Variants in MDH1 observed in about 807,000 individuals in gnomAD.
MDH1 encodes the protein malate dehydrogenase 1.
MDH1 carries 15 observed loss-of-function variants against 38.7 expected under a neutral mutation model. The observed-to-expected ratio is 0.39, with a 90% CI of 0.26 to 0.60. The LOEUF is 0.60. Ranked by LOEUF, MDH1 falls within the 20% of genes least tolerant of loss-of-function variation. The pLI is 0.56. For missense variants in MDH1, 368 were observed against 405.2 expected, an observed-to-expected ratio of 0.91 and a Z score of 0.79; for synonymous variants, 144 against 143.6, an observed-to-expected ratio of 1.00 and a Z score of -0.02.
intron 2 of MDH1, chr2:63,594,977 G>A (rs1404338707): frequency 1.6e-5 from 4 of 248,276 alleles, no homozygotes; most frequent in Admixed American, 5.1e-5. Flanking sequence ...CAGGCACTCC[G>A]ACTTCCAGCA....
At chr2:63,604,957 G>T in intron 6 of MDH1, 85 bp downstream of exon 6, 2 of 1,371,632 alleles carry the variant, frequency 1.5e-6, no homozygotes, top group South Asian at 2.7e-5. Context: ...AAAGAGGGCA[G>T]GTCTTTCACA....
Position 63,599,165 on chromosome 2 carries a change from C to T in MDH1, c.376-5C>T. 6.2e-7 allele frequency: 1 copy of T among 1,613,166 alleles called. No homozygotes were observed. The highest frequency in any genetic ancestry group is 8.5e-7 in the Non-Finnish European group (1 of 1,179,420). ...TAACTCTTCAGTGCCTTCCATTCCT[C>T]CTAGGTTATTGTTGTGGGTAATCCA... On this transcript the variant is annotated splice_region_variant and splice_polypyrimidine_tract_variant and intron_variant, in intron 4 of 8. Transcript: ENST00000233114.
chr2:63,599,159 A>G lies in MDH1; in HGVS notation c.376-11A>G, dbSNP rs895465425. On this transcript the variant is annotated splice_polypyrimidine_tract_variant and intron_variant, in intron 4 of 8. Transcript: ENST00000233114. ...AGTCTGTAACTCTTCAGTGCCTTCC[A>G]TTCCTCCTAGGTTATTGTTGTGGGT... 3 of 1,612,412 alleles carry G rather than the reference A, an allele frequency of 1.9e-6. No homozygotes were observed. Among genetic ancestry groups the G allele is most frequent in the Non-Finnish European group, 1.7e-6 (2 of 1,179,220 alleles).
chr2:63,600,938 C>T (rs1709406360), intron 5 of MDH1, among the ~76,000 whole-genome samples: 1 of 152,216 alleles, frequency 6.6e-6, no homozygotes, highest in African/African-American at 2.4e-5. Context: ...CTAACAACCA[C>T]TTTTTGTTGT....
intron 6 of MDH1, 80 bp downstream of exon 6, chr2:63,604,952 G>C (rs1227291580): frequency 7.0e-7 from 1 of 1,424,546 alleles, no homozygotes; most frequent in Non-Finnish European, 9.6e-7. Flanking sequence ...ACCTTAAAGA[G>C]GGCAGGTCTT....
chr2:63,596,420 C>T (rs1331295550), intron 3 of MDH1, among the ~76,000 whole-genome samples: 1 of 152,222 alleles, frequency 6.6e-6, no homozygotes, highest in African/African-American at 2.4e-5. Flanking sequence ...CCTTTTCTCA[C>T]CCACAGCTCT....
chr2:63,603,275 G>A (rs1405070831), intron 5 of MDH1, among the ~76,000 whole-genome samples: 1 of 151,990 alleles, frequency 6.6e-6, no homozygotes, highest in African/African-American at 2.4e-5. Flanking sequence ...ATTCTTGAAC[G>A]ACATTTGAGT....
chr2:63,603,754 T>C (rs2106625749), intron 5 of MDH1, among the ~76,000 whole-genome samples: 1 of 150,582 alleles, frequency 6.6e-6, no homozygotes, highest in Admixed American at 6.7e-5. Context: ...GCCTCCCAGG[T>C]TCAAGCGATT....
At chr2:63,600,383 C>A (rs888018167) in intron 5 of MDH1, among the ~76,000 whole-genome samples, 4 of 152,174 alleles carry the variant, frequency 2.6e-5, no homozygotes, top group Non-Finnish European at 4.4e-5. Flanking sequence ...TCATACAGCT[C>A]ATAAATTACG....
chr2:63,602,934 CTTTTTTTTTTTTTTTTTTTTTTTTTTTT>C (rs370479356), intron 5 of MDH1, among the ~76,000 whole-genome samples: 2 of 131,536 alleles, frequency 1.5e-5, no homozygotes, highest in Non-Finnish European at 3.4e-5. Flanking sequence ...TTTAACCGTT[CTTTTTTTTTTTTTTTTTTTTTTTTTTTT>C]TTTTTTTTTT....
rs752283219 is a variant in MDH1 at position 63,604,681 on chromosome 2, T to C, written c.499-15T>C. On this transcript the variant is annotated splice_polypyrimidine_tract_variant and intron_variant, in intron 5 of 8. Transcript: ENST00000233114. ...CCATTTGTCTCAGTAATGTATTTGT[T>C]TTCAATTTAACTAGATTGCTCTTAA... The C allele has an allele frequency of 2.5e-6, 4 of 1,605,120 alleles. No individual in the cohort carries two copies. Among genetic ancestry groups the C allele is most frequent in the Admixed American group, 1.7e-5 (1 of 59,288 alleles).
intron 3 of MDH1, among the ~76,000 whole-genome samples, chr2:63,595,874 G>T (rs1462006132): frequency 6.6e-6 from 1 of 152,140 alleles, no homozygotes; most frequent in Non-Finnish European, 1.5e-5. Flanking sequence ...TATGGAGTCT[G>T]CTTAACTGGT....
chr2:63,605,426 ATT>A (rs1486493767), intron 7 of MDH1, 33 bp downstream of exon 7: 10 of 1,457,850 alleles, frequency 6.9e-6, no homozygotes, highest in Non-Finnish European at 8.7e-6. Flanking sequence ...AGGTCACTCT[ATT>A]TTATTTTTGT....
chr2:63,593,447 C>A, intron 1 of MDH1: 1 of 406,982 alleles, frequency 2.5e-6, no homozygotes. Flanking sequence ...GAGTGAGTAC[C>A]AAATTGCTGA....
chr2:63,604,792 A>G lies in MDH1; in HGVS notation c.595A>G (p.Lys199Glu), dbSNP rs770773448. 1.9e-6 allele frequency: 3 copies of G among 1,614,110 alleles called. No individual in the cohort carries two copies. In the African/African-American group the frequency reaches 4.0e-5, roughly 22 times the overall value. ...STQYPDVNHAKVKLQGKEVGV... is the reference protein window; with the variant it reads ...STQYPDVNHAEVKLQGKEVGV... ...TCAGTATCCAGATGTCAACCATGCC[A>G]AGGTGAAATTGCAAGGAAAGGAAGT... is the stretch of plus-strand genomic sequence containing the variant. Residue 199 changes from lysine to glutamate, a missense_variant, in exon 6 of 9, where the codon AAG becomes GAG. Lys to Glu is a moderately conservative substitution (Grantham distance 56). Coordinates refer to ENST00000233114, the MANE Select transcript of MDH1 (RefSeq NM_005917.4).
Position 63,599,184 on chromosome 2 carries a change from T to TA in MDH1, c.392dup (p.Asn131LysfsTer34). The TA allele has an allele frequency of 6.2e-7, 1 of 1,613,680 alleles. No homozygotes were observed. The highest frequency in any genetic ancestry group is 8.5e-7 in the Non-Finnish European group (1 of 1,179,700). On this transcript the variant is annotated frameshift_variant, in exon 5 of 9. Coordinates refer to ENST00000233114, the MANE Select transcript of MDH1 (RefSeq NM_005917.4). LOFTEE classifies it high-confidence loss of function. ...ATTCCTCCTAGGTTATTGTTGTGGGTAATCCAGCCAATACCAACTGCCTGA... is the reference window on the plus strand; with the variant it reads ...ATTCCTCCTAGGTTATTGTTGTGGGTAAATCCAGCCAATACCAACTGCCTGA...
At chr2:63,604,167 ATATCT>A (rs1222024669) in intron 5 of MDH1, among the ~76,000 whole-genome samples, 2 of 152,250 alleles carry the variant, frequency 1.3e-5, no homozygotes, top group Non-Finnish European at 1.5e-5. Flanking sequence ...GAGGACAGTC[ATATCT>A]TGGTAATTTG....
chr2:63,599,073 C>G, intron 4 of MDH1, 97 bp from the exon 5 acceptor site: 1 of 1,278,044 alleles, frequency 7.8e-7, no homozygotes, highest in South Asian at 1.6e-5. Context: ...CTCCCCTGTA[C>G]AAAGGCTACC....
At chr2:63,597,075 T>C (rs1709328274) in intron 3 of MDH1, among the ~76,000 whole-genome samples, 1 of 152,230 alleles carries the variant, frequency 6.6e-6, no homozygotes, top group Admixed American at 6.5e-5. Context: ...TTGTGTTGTG[T>C]GGTAATTAGT....
Sources: gnomAD v4.1 joint callset for allele counts (sites outside exome capture counted in the v4.1 genomes callset) on GRCh38, gnomAD v4.1.1 for gene constraint, MANE v1.5 for transcripts, NCBI Gene and HGNC (gene_info 2026-07-23, HGNC 2026-07-21) for gene names.